DPF3: variants seen among roughly 807,000 people sequenced by gnomAD.
DPF3 encodes the protein zinc finger protein DPF3.
In DPF3, 18 loss-of-function variants were observed where a neutral mutation model predicts 56.8. That is an observed-to-expected ratio of 0.32 (90% confidence interval 0.22 to 0.47). DPF3 has a LOEUF of 0.47. Ranked by LOEUF, DPF3 falls within the 20% of genes least tolerant of loss-of-function variation. The pLI, the probability that DPF3 is intolerant of heterozygous loss-of-function variation, is 1.00. For synonymous variants in DPF3, 188 were observed against 180.2 expected (o/e 1.04, Z -0.35); for missense variants, 403 against 488.8 (o/e 0.82, Z 1.65).
intron 8 of DPF3, among the ~76,000 whole-genome samples, chr14:72,652,008 T>G (rs1159759731): frequency 1.3e-5 from 2 of 152,194 alleles, no homozygotes; most frequent in Non-Finnish European, 2.9e-5. Context: ...ACTGCACATG[T>G]GCATTTTCCT....
intron 1 of DPF3, among the ~76,000 whole-genome samples, chr14:72,827,486 C>CCCT: frequency 8.1e-6 from 1 of 123,352 alleles, no homozygotes; most frequent in African/African-American, 3.4e-5. Context: ...ATTCCCTTTA[C>CCCT]TCTTTTTTTT....
chr14:72,780,714 C>T (rs1454089531), intron 1 of DPF3, among the ~76,000 whole-genome samples: 1 of 152,192 alleles, frequency 6.6e-6, no homozygotes, highest in Non-Finnish European at 1.5e-5. Context: ...ATTTTCATTT[C>T]TCCATGTGCA....
At chr14:72,747,911 A>C (rs1025954694) in intron 3 of DPF3, among the ~76,000 whole-genome samples, 3 of 152,212 alleles carry the variant, frequency 2.0e-5, no homozygotes, top group African/African-American at 7.2e-5. Context: ...TGGAACTGTA[A>C]GTCCAATAAA....
intron 7 of DPF3, among the ~76,000 whole-genome samples, chr14:72,689,569 A>G (rs1220518570): frequency 6.6e-6 from 1 of 152,212 alleles, no homozygotes; most frequent in Non-Finnish European, 1.5e-5. Context: ...CCCCAGTAGC[A>G]TTTAGGGGCA....
intron 1 of DPF3, among the ~76,000 whole-genome samples, chr14:72,847,175 T>C (rs1284778378): frequency 6.6e-6 from 1 of 152,200 alleles, no homozygotes; most frequent in Non-Finnish European, 1.5e-5. Context: ...ACGTCTTTCC[T>C]TTACTTTACA....
At position 72,613,732 on chromosome 14, in the gene DPF3, C is replaced by T. The variant is rs2526933; in HGVS notation, c.*5565G>A. On this transcript the variant is annotated 3_prime_UTR_variant, in exon 11 of 11. Transcript: ENST00000556509. The stretch of plus-strand genomic sequence containing the variant: ...TGTTCCTTCTAGAAAACCCATGGTA[C>T]GGAACTGGCAAGCCCGGACCCCTCC... Among the ~76,000 whole-genome samples, 1 of 151,950 alleles carries T rather than the reference C, an allele frequency of 6.6e-6. No homozygotes were observed. Among genetic ancestry groups the T allele is most frequent in the Non-Finnish European group, 1.5e-5 (1 of 67,978 alleles).
chr14:72,753,532 A>G (rs1050502323), intron 2 of DPF3, among the ~76,000 whole-genome samples, 161 bp from the exon 3 acceptor site: 5 of 152,142 alleles, frequency 3.3e-5, no homozygotes, highest in African/African-American at 1.2e-4. Flanking sequence ...GCAAGGCTGA[A>G]TCTAGGTCAT....
At chr14:72,657,499 G>A (rs560113923) in intron 8 of DPF3, among the ~76,000 whole-genome samples, 2 of 152,266 alleles carry the variant, frequency 1.3e-5, no homozygotes, top group African/African-American at 4.8e-5. Context: ...TTTTCTGGCT[G>A]TGAAACATTT....
Position 72,731,824 on chromosome 14 carries a change from T to C in DPF3, c.412A>G (p.Ser138Gly), listed in dbSNP as rs1361866520. The C allele has an allele frequency of 6.2e-7, 1 of 1,613,390 alleles. No homozygotes were observed. The highest frequency in any genetic ancestry group is 1.3e-5 in the African/African-American group (1 of 74,912). Residue 138 changes from serine (S) to glycine (G), a missense_variant, in exon 4 of 11, where the codon AGC becomes GGC. Transcript: ENST00000556509. ...EKKVDAREEESIQEIQRVLEN... is the reference protein window; with the variant it reads ...EKKVDAREEEGIQEIQRVLEN... ...GGGAATACCTGTATTTCCTGGATGCTTTCCTCCTCCCTGGCATCCACCTTC... is the reference window on the plus strand; with the variant it reads ...GGGAATACCTGTATTTCCTGGATGCCTTCCTCCTCCCTGGCATCCACCTTC...
At chr14:72,815,612 C>T (rs1883250152) in intron 1 of DPF3, among the ~76,000 whole-genome samples, 1 of 152,232 alleles carries the variant, frequency 6.6e-6, no homozygotes, top group African/African-American at 2.4e-5. Context: ...AAGCAAGTTG[C>T]CATGCAGCCA....
rs1050516918 is a variant in DPF3, at chr14:72,613,382, G to C, written c.*5915C>G. ...TAAGTAATTATATCTCTGTCCAAGA[G>C]GGTTCTGGCTGCCTGCCAGTCCTGG... On this transcript the variant is annotated 3_prime_UTR_variant, in exon 11 of 11. Coordinates refer to ENST00000556509, the MANE Select transcript of DPF3 (RefSeq NM_001280542.3). Among the ~76,000 whole-genome samples, 1 of 152,200 alleles carries C rather than the reference G, an allele frequency of 6.6e-6. No homozygotes were observed. The highest frequency in any genetic ancestry group is 2.4e-5 in the African/African-American group (1 of 41,448).
intron 8 of DPF3, among the ~76,000 whole-genome samples, chr14:72,653,941 A>G (rs867355420): frequency 3.3e-5 from 5 of 152,182 alleles, no homozygotes; most frequent in African/African-American, 1.2e-4. Flanking sequence ...AGGAGTGCTG[A>G]TCACTTCTTT....
At position 72,616,373 on chromosome 14, in the gene DPF3, T is replaced by C. The variant is rs575969718; in HGVS notation, c.*2924A>G. On this transcript the variant is annotated 3_prime_UTR_variant, in exon 11 of 11. Transcript: ENST00000556509. ...CTTCATTTTAAAGTCCCCAACCCCATGTACATCCCTCACCTCCACCCCACA... is the reference window on the plus strand; with the variant it reads ...CTTCATTTTAAAGTCCCCAACCCCACGTACATCCCTCACCTCCACCCCACA... Among the ~76,000 whole-genome samples the C allele has an allele frequency of 6.6e-6, 1 of 152,132 alleles. No homozygotes were observed. The highest frequency in any genetic ancestry group is 2.4e-5 in the African/African-American group (1 of 41,414).
At position 72,756,344 on chromosome 14, in the gene DPF3, T is replaced by C. The variant is rs546028561; in HGVS notation, c.194-2973A>G. On this transcript the variant is annotated intron_variant, in intron 2 of 10. Coordinates refer to ENST00000556509, the MANE Select transcript of DPF3 (RefSeq NM_001280542.3). ...ACACTTGCTGGGAGAACTGGCTCCA[T>C]GGAAATACCTGGCATTGAAAGGCTT... Among the ~76,000 whole-genome samples, 6 of 152,304 alleles carry C rather than the reference T, an allele frequency of 3.9e-5. No homozygotes were observed. The East Asian group carries it at 7.7e-4, about 20-fold the overall frequency.
At chr14:72,890,867 C>T (rs1886724166) in intron 1 of DPF3, among the ~76,000 whole-genome samples, 2 of 152,122 alleles carry the variant, frequency 1.3e-5, no homozygotes, top group South Asian at 4.1e-4. Context: ...CTCTAACACC[C>T]TGTTGGGCAG....
intron 1 of DPF3, among the ~76,000 whole-genome samples, chr14:72,822,816 G>C (rs529587710): frequency 3.9e-5 from 6 of 152,158 alleles, no homozygotes; most frequent in East Asian, 1.9e-4. Flanking sequence ...AGTGTTATAC[G>C]TTGCATTATA....
chr14:72,761,037 C>T (rs969739895), intron 2 of DPF3, among the ~76,000 whole-genome samples: 1 of 151,892 alleles, frequency 6.6e-6, no homozygotes, highest in Non-Finnish European at 1.5e-5. Flanking sequence ...TATAACAATA[C>T]TAAATGTTTA....
intron 6 of DPF3, among the ~76,000 whole-genome samples, chr14:72,696,025 G>A (rs1887886307): frequency 6.6e-6 from 1 of 152,140 alleles, no homozygotes; most frequent in Non-Finnish European, 1.5e-5. Flanking sequence ...GGATCTGCTT[G>A]TGGCTTTTTC....
chr14:72,744,548 G>A (rs1890251445), intron 3 of DPF3, among the ~76,000 whole-genome samples: 1 of 152,048 alleles, frequency 6.6e-6, no homozygotes, highest in Admixed American at 6.5e-5. Context: ...GTGCTTCGGG[G>A]GACTGAATCA....
Sources: gnomAD v4.1 joint callset for allele counts (sites outside exome capture counted in the v4.1 genomes callset) on GRCh38, gnomAD v4.1.1 for gene constraint, MANE v1.5 for transcripts, NCBI Gene and HGNC (gene_info 2026-07-23, HGNC 2026-07-21) for gene names.